The following ZBTB7C variants were observed in gnomAD, a reference collection of about 807,000 sequenced individuals.
The protein encoded by ZBTB7C is zinc finger and BTB domain containing 7C.
A neutral mutation model predicts 25.7 loss-of-function variants in ZBTB7C; 8 were observed. The ratio of observed to expected loss-of-function variants is 0.31; its 90% CI spans 0.18 to 0.56. The LOEUF is 0.56. Ranked by LOEUF, ZBTB7C falls within the 20% of genes least tolerant of loss-of-function variation. The pLI is 0.91. For synonymous variants in ZBTB7C, 394 were observed against 369.0 expected (o/e 1.07, Z -0.78); for missense variants, 824 against 855.2 (o/e 0.96, Z 0.46).
chr18:48,285,386 G>C (rs985030170), intron 2 of ZBTB7C, among the ~76,000 whole-genome samples: 5 of 152,190 alleles, frequency 3.3e-5, no homozygotes, highest in Non-Finnish European at 4.4e-5. Flanking sequence ...ACTAAGCAAT[G>C]ATCCTGTTTA....
intron 1 of ZBTB7C, among the ~76,000 whole-genome samples, chr18:48,384,870 C>T (rs904973702): frequency 6.6e-6 from 1 of 151,952 alleles, no homozygotes; most frequent in Non-Finnish European, 1.5e-5. Flanking sequence ...TTAGTAGAGA[C>T]GAGGCTTCAC....
At chr18:48,352,021 C>A (rs766701027) in intron 1 of ZBTB7C, among the ~76,000 whole-genome samples, 2 of 152,178 alleles carry the variant, frequency 1.3e-5, no homozygotes, top group Non-Finnish European at 2.9e-5. Flanking sequence ...TTGGCCTGGT[C>A]TCCCATGGTC....
intron 1 of ZBTB7C, among the ~76,000 whole-genome samples, chr18:48,403,093 G>C (rs940471393): frequency 2.6e-5 from 4 of 152,202 alleles, no homozygotes; most frequent in Admixed American, 1.3e-4. Flanking sequence ...CTGTTCTGAG[G>C]AGGCTGCCAA....
At chr18:48,078,697 T>C (rs1310388446) in intron 3 of ZBTB7C, among the ~76,000 whole-genome samples, 4 of 152,096 alleles carry the variant, frequency 2.6e-5, no homozygotes, top group Non-Finnish European at 4.4e-5. Context: ...CAAGAACCCA[T>C]AGGCAGGTAG....
chr18:48,329,030 T>C (rs1231186882), intron 2 of ZBTB7C, among the ~76,000 whole-genome samples: 2 of 152,288 alleles, frequency 1.3e-5, no homozygotes, highest in East Asian at 3.9e-4. Flanking sequence ...TCAGTCCCAG[T>C]GGCCACCTGA....
intron 1 of ZBTB7C, among the ~76,000 whole-genome samples, chr18:48,381,610 T>C (rs895625183): frequency 6.6e-6 from 1 of 152,222 alleles, no homozygotes; most frequent in African/African-American, 2.4e-5. Flanking sequence ...AATTATGACA[T>C]AAATATGTTG....
intron 3 of ZBTB7C, chr18:48,137,099 G>C: frequency 1.0e-6 from 1 of 985,472 alleles, no homozygotes; most frequent in Non-Finnish European, 1.2e-6. Flanking sequence ...CGCGCTGCTC[G>C]CGGGAGCCTG....
chr18:48,105,917 GC>G (rs769273892), intron 3 of ZBTB7C, among the ~76,000 whole-genome samples: 3 of 152,204 alleles, frequency 2.0e-5, no homozygotes, highest in Non-Finnish European at 4.4e-5. Context: ...AAGGTGCACT[GC>G]ATTAAGAATA....
At position 48,304,841 on chromosome 18, in the gene ZBTB7C, C is replaced by CAAAAAAAA. The variant is rs35398428; in HGVS notation, c.-79+33325_-79+33332dup. On this transcript the variant is annotated intron_variant, in intron 2 of 4. Coordinates refer to ENST00000590800, the MANE Select transcript of ZBTB7C (RefSeq NM_001318841.2). ...GCACAATGGGAGCCAGGCTCTACCT[C>CAAAAAAAA]AAAAAAAAAAAAAAAAAAAAAAGAT... is the stretch of plus-strand genomic sequence containing the variant. Among the ~76,000 whole-genome samples the CAAAAAAAA allele has an allele frequency of 5.3e-3, 474 of 90,268 alleles. 10 individuals carry two copies. The highest frequency in any genetic ancestry group is 0.018 in the African/African-American group (426 of 23,544). The allele number at this position is 90,268 out of a possible 152,430, so 59.2% of individuals were successfully genotyped here.
intron 3 of ZBTB7C, among the ~76,000 whole-genome samples, chr18:48,183,326 C>T (rs1486256174): frequency 6.6e-6 from 1 of 152,122 alleles, no homozygotes; most frequent in Non-Finnish European, 1.5e-5. Context: ...GAAAGTAACA[C>T]AAAACTCTGG....
At chr18:48,374,575 C>A (rs2047470682) in intron 1 of ZBTB7C, among the ~76,000 whole-genome samples, 1 of 152,230 alleles carries the variant, frequency 6.6e-6, no homozygotes, top group Non-Finnish European at 1.5e-5. Flanking sequence ...CTTTTGGTCC[C>A]TCTCTTCCCC....
chr18:48,122,275 T>C (rs1441983718), intron 3 of ZBTB7C, among the ~76,000 whole-genome samples: 1 of 152,246 alleles, frequency 6.6e-6, no homozygotes, highest in African/African-American at 2.4e-5. Context: ...GTTATTTTAA[T>C]GGCGTATAAT....
chr18:48,036,907 T>C (rs932135614), intron 4 of ZBTB7C, among the ~76,000 whole-genome samples: 1 of 152,130 alleles, frequency 6.6e-6, no homozygotes, highest in African/African-American at 2.4e-5. Flanking sequence ...CAGACCACGC[T>C]TGGGGCTCTT....
intron 3 of ZBTB7C, among the ~76,000 whole-genome samples, chr18:48,127,506 A>G (rs1217367992): frequency 2.0e-5 from 3 of 152,234 alleles, no homozygotes; most frequent in Non-Finnish European, 4.4e-5. Context: ...TACAGGGGTC[A>G]GCATGGGGTC....
intron 3 of ZBTB7C, among the ~76,000 whole-genome samples, chr18:48,144,267 AGACACCTT>A (rs2040434418): frequency 6.6e-6 from 1 of 150,394 alleles, no homozygotes; most frequent in African/African-American, 2.5e-5. Context: ...CGACAGAGCA[AGACACCTT>A]CTCAAAAAAA....
chr18:48,091,374 T>C (rs1367117585), intron 3 of ZBTB7C, among the ~76,000 whole-genome samples: 3 of 151,196 alleles, frequency 2.0e-5, no homozygotes, highest in African/African-American at 7.3e-5. Context: ...TGAGCCACCA[T>C]GCTTGGCCCT....
At chr18:48,367,969 G>GA (rs111445387) in intron 1 of ZBTB7C, among the ~76,000 whole-genome samples, 34,007 of 137,074 alleles carry the variant, frequency 0.25, 4,022 homozygotes, top group Middle Eastern at 0.26. Flanking sequence ...CACTGGAGGA[G>GA]AAAAAAAAAA....
rs35350431 is a variant in ZBTB7C, at chr18:48,167,211, G to A, written c.-17+18723C>T. 5.2e-3 allele frequency among the ~76,000 whole-genome samples: 790 copies of A among 152,198 alleles called. 7 individuals carry two copies. The Middle Eastern group carries it at 0.075, about 14-fold the overall frequency. ...CTTTGAAAGCTTTCCACGGACAAGTGATCTCTCACAACCGCCTTCACTTCC... is the reference window on the plus strand; with the variant it reads ...CTTTGAAAGCTTTCCACGGACAAGTAATCTCTCACAACCGCCTTCACTTCC... On this transcript the variant is annotated intron_variant, in intron 3 of 4. Transcript: ENST00000590800.
At chr18:48,205,078 T>C (rs1489223644) in intron 2 of ZBTB7C, among the ~76,000 whole-genome samples, 2 of 152,066 alleles carry the variant, frequency 1.3e-5, no homozygotes, top group Non-Finnish European at 1.5e-5. Flanking sequence ...CTGGGGACAC[T>C]CTTCTTTCCC....
Sources: gnomAD v4.1 joint callset for allele counts (sites outside exome capture counted in the v4.1 genomes callset) on GRCh38, gnomAD v4.1.1 for gene constraint, MANE v1.5 for transcripts, NCBI Gene and HGNC (gene_info 2026-07-23, HGNC 2026-07-21) for gene names.